UPRT: variants seen among roughly 807,000 people sequenced by gnomAD.
The protein encoded by UPRT is RP11-311P8.3.
Under a neutral mutation model 22.6 loss-of-function variants are expected in UPRT, and 5 were observed. The observed-to-expected ratio is 0.22, with a 90% CI of 0.12 to 0.47. The LOEUF (loss-of-function observed/expected upper bound fraction) is 0.47, where lower values mean the gene tolerates loss of function less well. UPRT is among the 20% of genes least tolerant of loss of function. The pLI is 0.99. For synonymous variants in UPRT, 77 were observed against 87.7 expected, an observed-to-expected ratio of 0.88 and a Z score of 0.68; for missense variants, 181 against 239.9, an observed-to-expected ratio of 0.75 and a Z score of 1.62.
intron 1 of UPRT, among the ~76,000 whole-genome samples, chrX:75,276,070 T>C (rs912433168): frequency 6.3e-5 from 7 of 111,454 alleles, no homozygotes; most frequent in Admixed American, 3.8e-4. Flanking sequence ...CTGAAACATA[T>C]CTGTTTCTGC....
At chrX:75,293,026 A>G (rs1406064092) in intron 1 of UPRT, among the ~76,000 whole-genome samples, 1 of 112,002 alleles carries the variant, frequency 8.9e-6, no homozygotes, top group Non-Finnish European at 1.9e-5. Context: ...TAGTTCCAAA[A>G]AGGATTACAA....
chrX:75,272,644 C>T (rs759099273), upstream of UPRT, among the ~76,000 whole-genome samples: 5 of 108,138 alleles, frequency 4.6e-5, no homozygotes, highest in Admixed American at 2.0e-4. Context: ...GTATACTGCT[C>T]GAGTGATGGA....
intron 4 of UPRT, among the ~76,000 whole-genome samples, chrX:75,228,521 T>C (rs1329395997): frequency 8.9e-6 from 1 of 112,224 alleles, no homozygotes; most frequent in Admixed American, 9.4e-5. Flanking sequence ...TTCCTTGCCT[T>C]ACTCTTTGCA....
chrX:75,180,683 T>G (rs1372296006), intron 4 of UPRT, among the ~76,000 whole-genome samples: 4 of 20,032 alleles, frequency 2.0e-4, no homozygotes, highest in African/African-American at 4.3e-4. Flanking sequence ...TTTTCTCTGT[T>G]TTTTTTTTTT....
At chrX:75,252,839 A>C (rs1198684267) in intron 4 of UPRT, among the ~76,000 whole-genome samples, 1 of 112,612 alleles carries the variant, frequency 8.9e-6, no homozygotes, top group Non-Finnish European at 1.9e-5. Context: ...TGGCACATAT[A>C]CACCATGGAA....
At chrX:75,233,329 C>T (rs370479865) in intron 4 of UPRT, among the ~76,000 whole-genome samples, 2 of 111,150 alleles carry the variant, frequency 1.8e-5, no homozygotes, top group Non-Finnish European at 1.9e-5. Context: ...CTGAAAGTGA[C>T]GGGGAGAATG....
At chrX:75,212,194 T>C (rs1178940089) in intron 4 of UPRT, among the ~76,000 whole-genome samples, 6 of 112,359 alleles carry the variant, frequency 5.3e-5, no homozygotes, top group Non-Finnish European at 1.1e-4. Flanking sequence ...CTGCTAGATA[T>C]CTACAGAACT....
At chrX:75,296,975 A>G (rs1191959966) in intron 3 of UPRT, among the ~76,000 whole-genome samples, 3 of 111,743 alleles carry the variant, frequency 2.7e-5, no homozygotes, top group African/African-American at 9.8e-5. Flanking sequence ...CTGAGTTTGT[A>G]GCATCATAAT....
intron 4 of UPRT, among the ~76,000 whole-genome samples, chrX:75,168,383 G>T (rs974897414): frequency 2.1e-5 from 2 of 93,171 alleles, no homozygotes; most frequent in Non-Finnish European, 4.1e-5. Flanking sequence ...AAATAATTTT[G>T]ATATTAACCA....
chrX:75,168,067 G>A (rs2082217453), intron 4 of UPRT, among the ~76,000 whole-genome samples: 1 of 111,923 alleles, frequency 8.9e-6, no homozygotes, highest in Non-Finnish European at 1.9e-5. Flanking sequence ...AGACAAATCT[G>A]TGATTCATTA....
chrX:75,189,083 A>G (rs1203482317), intron 4 of UPRT, among the ~76,000 whole-genome samples: 1 of 112,165 alleles, frequency 8.9e-6, no homozygotes, highest in Non-Finnish European at 1.9e-5. Flanking sequence ...TAGGTTGTCA[A>G]TTTTAGATCT....
intron 3 of UPRT, among the ~76,000 whole-genome samples, chrX:75,297,236 G>A (rs1172762476): frequency 9.0e-6 from 1 of 111,664 alleles, no homozygotes; most frequent in African/African-American, 3.3e-5. Context: ...TGAATATCGT[G>A]TTATAATAAG....
intron 4 of UPRT, among the ~76,000 whole-genome samples, chrX:75,259,788 C>G (rs1228340890): frequency 1.8e-5 from 2 of 110,662 alleles, no homozygotes; most frequent in Admixed American, 1.9e-4. Flanking sequence ...AGAAGAGCAA[C>G]CCCAAGACAC....
chrX:75,287,393 A>G (rs901693081), intron 1 of UPRT, among the ~76,000 whole-genome samples: 2 of 111,619 alleles, frequency 1.8e-5, no homozygotes, highest in African/African-American at 3.3e-5. Flanking sequence ...CCTCTTTTTC[A>G]TATTTCTATA....
chrX:75,268,066 T>C (rs1334053014), intron 4 of UPRT, among the ~76,000 whole-genome samples: 2 of 111,206 alleles, frequency 1.8e-5, no homozygotes, highest in Non-Finnish European at 3.8e-5. Flanking sequence ...TAAAAAATGA[T>C]AAAGGGTATA....
chrX:75,268,896 A>T (rs2082598992), intron 4 of UPRT, among the ~76,000 whole-genome samples: 1 of 112,062 alleles, frequency 8.9e-6, no homozygotes. Flanking sequence ...ATAGTATTGG[A>T]AGTTCTGGCC....
chrX:75,266,877 GC>G (rs893659254), intron 4 of UPRT, among the ~76,000 whole-genome samples: 4 of 111,479 alleles, frequency 3.6e-5, no homozygotes, highest in Non-Finnish European at 5.7e-5. Flanking sequence ...GCAAATCAAA[GC>G]CACAGTGAGA....
chrX:75,207,129 A>G (rs2082369330), intron 4 of UPRT, among the ~76,000 whole-genome samples: 1 of 112,328 alleles, frequency 8.9e-6, no homozygotes, highest in African/African-American at 3.2e-5. Flanking sequence ...GCCATTTTCT[A>G]TGGGTGTTCC....
chrX:75,186,163 C>G (rs1715685921), intron 4 of UPRT, among the ~76,000 whole-genome samples: 1 of 111,059 alleles, frequency 9.0e-6, no homozygotes, highest in Admixed American at 9.6e-5. Context: ...GCATGTAGTG[C>G]TATAAATTTC....
Sources: allele counts gnomAD v4.1 joint callset (sites outside exome capture counted in the v4.1 genomes callset), GRCh38; gene constraint gnomAD v4.1.1; transcripts MANE v1.5; gene names NCBI Gene and HGNC (gene_info 2026-07-23, HGNC 2026-07-21).